The following PRKG2 variants were observed in gnomAD, a reference collection of about 807,000 sequenced individuals.
The protein encoded by PRKG2 is cGMP-dependent protein kinase 2.
A neutral mutation model predicts 97.2 loss-of-function variants in PRKG2; 33 were observed. The ratio of observed to expected loss-of-function variants is 0.34; its 90% confidence interval spans 0.26 to 0.45. The LOEUF is 0.45. PRKG2 is among the 20% of genes least tolerant of loss of function. The probability of loss-of-function intolerance (pLI) is 1.00; values close to 1 mark genes in which losing one functional copy is unlikely to be tolerated. For synonymous variants in PRKG2, 330 were observed against 321.8 expected (o/e 1.03, Z -0.27); for missense variants, 638 against 900.0 (o/e 0.71, Z 3.73).
intron 5 of PRKG2, among the ~76,000 whole-genome samples, chr4:81,167,716 T>C (rs1268111209): frequency 6.6e-6 from 1 of 152,066 alleles, no homozygotes; most frequent in Non-Finnish European, 1.5e-5. Flanking sequence ...CTCTGATTAT[T>C]AGTCATACTG....
At chr4:81,169,881 AATGT>A in intron 4 of PRKG2, 113 bp from the exon 5 acceptor site, 1 of 623,738 alleles carries the variant, frequency 1.6e-6, no homozygotes, top group Non-Finnish European at 2.6e-6. Context: ...CTTCTTGGAA[AATGT>A]ATTATTTAAA....
chr4:81,102,260 A>C (rs1469848237), intron 17 of PRKG2, among the ~76,000 whole-genome samples: 1 of 152,212 alleles, frequency 6.6e-6, no homozygotes. Context: ...TGACAATTTG[A>C]CAGCTACATT....
At chr4:81,093,342 T>C (rs1741775231) in intron 17 of PRKG2, among the ~76,000 whole-genome samples, 1 of 145,338 alleles carries the variant, frequency 6.9e-6, no homozygotes, top group African/African-American at 2.6e-5. Flanking sequence ...CAATCTAAAA[T>C]TGAAACTCTC....
intron 17 of PRKG2, among the ~76,000 whole-genome samples, chr4:81,093,801 T>C (rs1215681887): frequency 6.6e-6 from 1 of 152,192 alleles, no homozygotes; most frequent in Non-Finnish European, 1.5e-5. Context: ...TCTAGAAATA[T>C]AACACCAGGA....
At chr4:81,159,345 G>T (rs540519797) in intron 6 of PRKG2, among the ~76,000 whole-genome samples, 1 of 152,016 alleles carries the variant, frequency 6.6e-6, no homozygotes, top group Non-Finnish European at 1.5e-5. Context: ...GCAGCCAAAA[G>T]ACACATGAAA....
chr4:81,135,340 C>A, intron 13 of PRKG2, 44 bp from the exon 14 acceptor site: 1 of 1,589,574 alleles, frequency 6.3e-7, no homozygotes, highest in Non-Finnish European at 8.6e-7. Flanking sequence ...GGATACACAT[C>A]TTTGGTGCTG....
chr4:81,099,522 C>T lies in PRKG2; in HGVS notation c.2126+4848G>A, dbSNP rs1432475621. ...TGACAAAATTCAACAACGCTTCATG[C>T]TAAAAACTCTCAATAAATGAGGTAT... is the stretch of plus-strand genomic sequence containing the variant. On this transcript the variant is annotated intron_variant, in intron 17 of 18. Transcript: ENST00000264399. 3.3e-5 allele frequency among the ~76,000 whole-genome samples: 5 copies of T among 152,256 alleles called. No homozygotes were observed. The East Asian group carries it at 9.7e-4, about 29-fold the overall frequency.
Position 81,088,079 on chromosome 4 carries a change from T to G in PRKG2, c.*1629A>C, listed in dbSNP as rs1336718285. 6.6e-6 allele frequency: 1 copy of G among 152,172 alleles called. No individual in the cohort carries two copies. The allele number at this position is 152,172 out of a possible 1,614,324, so 9.4% of individuals were successfully genotyped here. Reference sequence around the variant, plus strand: ...ACTCTTAGAAATTCTTTAAGCAGGTTATGTCAATCCTATTAAAAATGATTA... The same window carrying G: ...ACTCTTAGAAATTCTTTAAGCAGGTGATGTCAATCCTATTAAAAATGATTA... On this transcript the variant is annotated 3_prime_UTR_variant, in exon 19 of 19. Transcript: ENST00000264399.
At chr4:81,090,557 G>C (rs1286943598) in intron 18 of PRKG2, among the ~76,000 whole-genome samples, 1 of 152,176 alleles carries the variant, frequency 6.6e-6, no homozygotes, top group Non-Finnish European at 1.5e-5. Context: ...ACCCTGTTGA[G>C]AGAGTGAAAT....
At chr4:81,162,544 T>C (rs1278095883) in intron 6 of PRKG2, among the ~76,000 whole-genome samples, 1 of 152,188 alleles carries the variant, frequency 6.6e-6, no homozygotes, top group Non-Finnish European at 1.5e-5. Context: ...TGGAGCCAAT[T>C]GGGACTATCT....
intron 1 of PRKG2, among the ~76,000 whole-genome samples, chr4:81,214,735 C>T (rs1184772165): frequency 6.6e-6 from 1 of 152,208 alleles, no homozygotes; most frequent in Non-Finnish European, 1.5e-5. Flanking sequence ...CAGGAGCTCA[C>T]GAAACGCTGC....
At chr4:81,210,851 A>C (rs1753932756) in intron 1 of PRKG2, among the ~76,000 whole-genome samples, 1 of 152,174 alleles carries the variant, frequency 6.6e-6, no homozygotes, top group Non-Finnish European at 1.5e-5. Context: ...ACATCCATAT[A>C]ATAGAATATT....
Position 81,142,808 on chromosome 4 carries a change from C to T in PRKG2, c.1393G>A (p.Gly465Arg). 1.9e-6 allele frequency: 3 copies of T among 1,603,720 alleles called. No homozygotes were observed. The highest frequency in any genetic ancestry group is 1.1e-5 in the South Asian group (1 of 89,208). The stretch of plus-strand genomic sequence containing the variant: ...AAACCCCTTACAAGCTCAACTCTTC[C>T]GAACCCACCAACGCCCAGTGTTGCA... Reference protein sequence around the residue: ...IIATLGVGGFGRVELVKVKNE... With the variant: ...IIATLGVGGFRRVELVKVKNE... The change falls in exon 11 of 19, where the codon GGA becomes AGA. Residue 465 changes from glycine to arginine, a missense_variant. Transcript: ENST00000264399.
At chr4:81,142,000 T>C (rs555350374) in intron 11 of PRKG2, among the ~76,000 whole-genome samples, 1 of 152,268 alleles carries the variant, frequency 6.6e-6, no homozygotes, top group Admixed American at 6.5e-5. Flanking sequence ...TCCCAGAAGA[T>C]AAGGTATGGT....
chr4:81,136,673 C>T (rs187676418), intron 13 of PRKG2, among the ~76,000 whole-genome samples: 89 of 152,166 alleles, frequency 5.8e-4, no homozygotes, highest in Middle Eastern at 3.4e-3. Flanking sequence ...TCTATCATCA[C>T]ATTCTCTCTC....
chr4:81,094,055 A>C (rs1209416798), intron 17 of PRKG2, among the ~76,000 whole-genome samples: 1 of 152,212 alleles, frequency 6.6e-6, no homozygotes, highest in Non-Finnish European at 1.5e-5. Flanking sequence ...AAGATAAAAT[A>C]TCTGCAAGGT....
At chr4:81,105,029 A>G (rs2109969658) in intron 16 of PRKG2, among the ~76,000 whole-genome samples, 1 of 152,246 alleles carries the variant, frequency 6.6e-6, no homozygotes, top group African/African-American at 2.4e-5. Context: ...ATATAATAAC[A>G]CTTCATTATC....
intron 4 of PRKG2, 76 bp from the exon 5 acceptor site, chr4:81,169,844 TTTG>T: frequency 1.1e-6 from 1 of 932,316 alleles, no homozygotes; most frequent in Non-Finnish European, 1.6e-6. Context: ...AATCGATGGA[TTTG>T]TTATATGTTC....
At chr4:81,144,392 C>T in intron 9 of PRKG2, 62 bp from the exon 10 acceptor site, 1 of 1,308,836 alleles carries the variant, frequency 7.6e-7, no homozygotes, top group East Asian at 2.3e-5. Context: ...ACTTGACATT[C>T]TTCTAAGCTC....
Sources: gnomAD v4.1 joint callset for allele counts (sites outside exome capture counted in the v4.1 genomes callset) on GRCh38, gnomAD v4.1.1 for gene constraint, MANE v1.5 for transcripts, NCBI Gene and HGNC (gene_info 2026-07-23, HGNC 2026-07-21) for gene names.